The following TSEN2 variants were observed in gnomAD, a reference collection of about 807,000 sequenced individuals.
TSEN2 encodes tRNA-splicing endonuclease subunit Sen2.
A neutral mutation model predicts 59.2 loss-of-function variants in TSEN2; 54 were observed. The observed-to-expected ratio is 0.91, with a 90% CI of 0.73 to 1.14. TSEN2 has a LOEUF of 1.14. Ranked by LOEUF, TSEN2 falls within the 50% of genes most tolerant of loss-of-function variation. TSEN2 has a pLI of 0.00. For missense variants in TSEN2, 636 were observed against 576.2 expected, an observed-to-expected ratio of 1.10 and a Z score of -1.06; for synonymous variants, 195 against 198.2, an observed-to-expected ratio of 0.98 and a Z score of 0.14.
intron 6 of TSEN2, among the ~76,000 whole-genome samples, chr3:12,513,707 A>T (rs2055744580): frequency 6.6e-6 from 1 of 152,238 alleles, no homozygotes; most frequent in Non-Finnish European, 1.5e-5. Context: ...CCATTTAAGG[A>T]AACAACTTTA....
chr3:12,491,826 C>CA (rs2053241934), intron 2 of TSEN2, among the ~76,000 whole-genome samples: 2 of 152,190 alleles, frequency 1.3e-5, no homozygotes, highest in Non-Finnish European at 2.9e-5. Context: ...AGAAAAATTG[C>CA]ATGTGTACCA....
At chr3:12,490,119 C>T in intron 2 of TSEN2, 130 bp downstream of exon 2, 1 of 944,554 alleles carries the variant, frequency 1.1e-6, no homozygotes, top group Non-Finnish European at 1.7e-6. Context: ...GCGGTTTGGT[C>T]CAGTTGTAGG....
In TSEN2 at chr3:12,532,636, A is replaced by C. The variant is rs375239539; in HGVS notation, c.1339-26A>C. 14 of 1,613,256 alleles carry C rather than the reference A, an allele frequency of 8.7e-6. No homozygotes were observed. The South Asian group carries it at 1.3e-4, about 15-fold the overall frequency. On this transcript the variant is annotated intron_variant, in intron 11 of 11. Transcript: ENST00000284995. ...TGGTCTTACATTTCTGTTTTAAGAA[A>C]TGGTCTTTTTTTTTATTGGTTGTAG...
chr3:12,527,684 A>G (rs1409013782), intron 8 of TSEN2, among the ~76,000 whole-genome samples: 3 of 152,094 alleles, frequency 2.0e-5, no homozygotes, highest in African/African-American at 2.4e-5. Flanking sequence ...ATAAGAGTTC[A>G]TTTTTGTTCA....
downstream of TSEN2, among the ~76,000 whole-genome samples, chr3:12,534,788 A>T (rs1412499772): frequency 3.6e-5 from 5 of 138,008 alleles, no homozygotes; most frequent in Non-Finnish European, 7.7e-5. Flanking sequence ...AGGGCGACAG[A>T]GCGAGACTCT....
chr3:12,516,088 T>TA (rs1178604366), intron 6 of TSEN2, among the ~76,000 whole-genome samples: 5 of 152,082 alleles, frequency 3.3e-5, no homozygotes, highest in South Asian at 2.1e-4. Context: ...CTTAGATTTT[T>TA]AAAAAAATCT....
rs865935714 is a variant in TSEN2, at chr3:12,503,632, G to T, written c.679G>T (p.Ala227Ser). ...CCATGTCTGTTGCTGCAAACAAGAT[G>T]CTCTCATCCTCCAGCGTGGCCTTCA... is the stretch of plus-strand genomic sequence containing the variant. ...LPHVCCCKQD[A>S]LILQRGLHHE... The change falls in exon 5 of 12, where the codon GCT (alanine) becomes TCT (serine). Residue 227 changes from alanine to serine, a missense_variant. Coordinates refer to ENST00000284995, the MANE Select transcript of TSEN2 (RefSeq NM_025265.4). 8 of 1,596,710 alleles carry T rather than the reference G, an allele frequency of 5.0e-6. No individual in the cohort carries two copies. Among genetic ancestry groups the T allele is most frequent in the Non-Finnish European group, 6.8e-6 (8 of 1,170,920 alleles).
chr3:12,489,073 G>T (rs139941603), intron 1 of TSEN2, among the ~76,000 whole-genome samples: 1 of 151,902 alleles, frequency 6.6e-6, no homozygotes, highest in African/African-American at 2.4e-5. Context: ...TGATTTTGCA[G>T]GTGAGGAAAC....
chr3:12,500,699 T>G (rs1416901435), intron 4 of TSEN2, among the ~76,000 whole-genome samples: 1 of 152,244 alleles, frequency 6.6e-6, no homozygotes, highest in African/African-American at 2.4e-5. Context: ...GCTATGCACT[T>G]TACGTGTCTT....
At position 12,519,311 on chromosome 3, in the gene TSEN2, G is replaced by C. The variant is rs374671185; in HGVS notation, c.1099+114G>C. On this transcript the variant is annotated intron_variant, in intron 8 of 11. Transcript: ENST00000284995. ...GATGTTTTCTAAGAAGGTATCCTTT[G>C]GGTTTAGATAAGATTATTGGATATT... is the stretch of plus-strand genomic sequence containing the variant. 20 of 1,456,690 alleles carry C rather than the reference G, an allele frequency of 1.4e-5. No homozygotes were observed. The East Asian group carries it at 4.1e-4, about 30-fold the overall frequency. The allele number at this position is 1,456,690 out of a possible 1,614,324, so 90.2% of individuals were successfully genotyped here.
intron 4 of TSEN2, among the ~76,000 whole-genome samples, chr3:12,498,803 A>G (rs2054008307): frequency 6.6e-6 from 1 of 152,182 alleles, no homozygotes; most frequent in Admixed American, 6.5e-5. Flanking sequence ...ACCAAAACCA[A>G]TACTTGATTT....
chr3:12,539,111 A>G (rs904044762), intron 10 of TSEN2: 3 of 433,706 alleles, frequency 6.9e-6, no homozygotes, highest in African/African-American at 4.2e-5. Context: ...GTTGTTCACT[A>G]TCATGAGCTT....
At chr3:12,538,560 C>T (rs746007903), downstream of TSEN2, among the ~76,000 whole-genome samples, 43 of 151,944 alleles carry the variant, frequency 2.8e-4, no homozygotes, top group African/African-American at 1.0e-3. Context: ...TAACACGAGG[C>T]GGTTATTGGT....
At chr3:12,528,632 A>T (rs1012588603) in intron 8 of TSEN2, among the ~76,000 whole-genome samples, 1 of 152,288 alleles carries the variant, frequency 6.6e-6, no homozygotes, top group African/African-American at 2.4e-5. Flanking sequence ...AGTGTGGAGG[A>T]TTGCTTGAGC....
chr3:12,501,513 A>C (rs1274873174), intron 4 of TSEN2, among the ~76,000 whole-genome samples: 2 of 152,234 alleles, frequency 1.3e-5, no homozygotes, highest in East Asian at 3.8e-4. Context: ...CTTAGGAATC[A>C]GGGTTAAGCA....
intron 2 of TSEN2, 87 bp from the exon 3 acceptor site, chr3:12,492,049 G>A: frequency 1.7e-6 from 2 of 1,149,288 alleles, no homozygotes; most frequent in Non-Finnish European, 2.6e-6. Context: ...GCCCCCTGTG[G>A]ATACTGAGGG....
At chr3:12,519,903 T>C (rs1039787017) in intron 8 of TSEN2, among the ~76,000 whole-genome samples, 3 of 152,244 alleles carry the variant, frequency 2.0e-5, no homozygotes. Flanking sequence ...ACAGCCATCA[T>C]TGAGCACTTG....
chr3:12,535,800 G>C (rs1302799988), downstream of TSEN2, among the ~76,000 whole-genome samples: 1 of 152,116 alleles, frequency 6.6e-6, no homozygotes, highest in African/African-American at 2.4e-5. Context: ...CCAAAGTGCT[G>C]GGATTTTCCT....
At chr3:12,525,037 C>T (rs989148657) in intron 8 of TSEN2, among the ~76,000 whole-genome samples, 2 of 152,120 alleles carry the variant, frequency 1.3e-5, no homozygotes, top group African/African-American at 4.8e-5. Flanking sequence ...AGCCACCGTG[C>T]CTGGCCTCTT....
Sources: gnomAD v4.1 joint callset for allele counts (sites outside exome capture counted in the v4.1 genomes callset) on GRCh38, gnomAD v4.1.1 for gene constraint, MANE v1.5 for transcripts, NCBI Gene and HGNC (gene_info 2026-07-23, HGNC 2026-07-21) for gene names.